The following PPP1R13B variants were observed in gnomAD, a reference collection of about 807,000 sequenced individuals.
PPP1R13B encodes protein phosphatase 1 regulatory subunit 13B, also known as apoptosis-stimulating of p53 protein 1.
In PPP1R13B, 44 loss-of-function variants were observed where a neutral mutation model predicts 119.8. That is an observed-to-expected ratio of 0.37 (90% confidence interval 0.29 to 0.47). The LOEUF (loss-of-function observed/expected upper bound fraction) is 0.47, where lower values mean the gene tolerates loss of function less well. PPP1R13B is among the 20% of genes least tolerant of loss of function. The pLI, the probability that PPP1R13B is intolerant of heterozygous loss-of-function variation, is 0.99. For missense variants in PPP1R13B, 1,227 were observed against 1,413.5 expected (o/e 0.87, Z 2.12); for synonymous variants, 542 against 561.5 (o/e 0.97, Z 0.49).
intron 1 of PPP1R13B, among the ~76,000 whole-genome samples, chr14:103,823,350 A>G (rs1362510010): frequency 6.6e-6 from 1 of 151,984 alleles, no homozygotes; most frequent in Non-Finnish European, 1.5e-5. Context: ...AAAAAAAGAA[A>G]AAAAAAAAAC....
Position 103,778,859 on chromosome 14 carries a change from A to G in PPP1R13B, c.278-38T>C, listed in dbSNP as rs747161995. ...AAGAACCAAACTCACCAAAAGGCGT[A>G]TTAGAAAAAAGTAATATTCTCCCAT... On this transcript the variant is annotated intron_variant, in intron 3 of 16. Coordinates refer to ENST00000202556, the MANE Select transcript of PPP1R13B (RefSeq NM_015316.3). The G allele has an allele frequency of 2.0e-6, 3 of 1,505,074 alleles. No individual in the cohort carries two copies. In the East Asian group the frequency reaches 6.8e-5, roughly 34 times the overall value. 93.2% of individuals were successfully genotyped at this position (1,505,074 alleles called of 1,614,324 possible). A position where few individuals can be genotyped will look rare whatever the true frequency, so the allele number is the denominator to read the frequency against.
chr14:103,839,760 C>T (rs1461582910), intron 1 of PPP1R13B, among the ~76,000 whole-genome samples: 1 of 152,202 alleles, frequency 6.6e-6, no homozygotes, highest in Non-Finnish European at 1.5e-5. Context: ...TCACTCTGCT[C>T]CAGCCACACA....
At chr14:103,838,753 C>G (rs544784726) in intron 1 of PPP1R13B, among the ~76,000 whole-genome samples, 1 of 152,232 alleles carries the variant, frequency 6.6e-6, no homozygotes, top group Admixed American at 6.5e-5. Flanking sequence ...CAACTTTCAC[C>G]GTACTAATGC....
rs142910670 is a variant in PPP1R13B, at chr14:103,818,367, C to T, written c.10-20849G>A. The T allele has an allele frequency of 2.9e-4, 150 of 521,020 alleles. 1 individual carries two copies. The African/African-American group carries it at 3.0e-3, about 10-fold the overall frequency. 32.3% of individuals were successfully genotyped at this position (521,020 alleles called of 1,614,324 possible). On this transcript the variant is annotated intron_variant, in intron 1 of 16. Transcript: ENST00000202556. ...CTTTTGAAGACACTACTGATTAAAA[C>T]ATTAGGCTGCATATGAGTTTTCATA... is the stretch of plus-strand genomic sequence containing the variant.
intron 1 of PPP1R13B, among the ~76,000 whole-genome samples, chr14:103,837,865 T>C (rs1320535877): frequency 3.9e-5 from 6 of 152,124 alleles, no homozygotes; most frequent in Admixed American, 2.0e-4. Context: ...ACAACTGTAA[T>C]CCCAGCACTT....
chr14:103,785,221 ATTTG>A (rs1489411418), intron 2 of PPP1R13B, among the ~76,000 whole-genome samples: 2 of 120,984 alleles, frequency 1.7e-5, no homozygotes, highest in East Asian at 2.3e-4. Context: ...TCTCCCATTC[ATTTG>A]TTTGTTTGGT....
chr14:103,735,282 C>G, intron 16 of PPP1R13B, 87 bp from the exon 17 acceptor site: 2 of 1,313,732 alleles, frequency 1.5e-6, no homozygotes, highest in South Asian at 1.2e-5. Flanking sequence ...CTCACCTCAG[C>G]CACCCTGGAC....
intron 4 of PPP1R13B, among the ~76,000 whole-genome samples, chr14:103,766,682 A>C (rs1372273755): frequency 1.3e-5 from 2 of 152,122 alleles, no homozygotes; most frequent in Non-Finnish European, 2.9e-5. Context: ...ATCTCAGCTC[A>C]CTGCAACTTC....
At position 103,759,015 on chromosome 14, in the gene PPP1R13B, G is replaced by C. The variant is rs143651678; in HGVS notation, c.355-1264C>G. ...GCTCTGTCACCCAGGCTGGAGTGCA[G>C]TGGTGTGATCTTAGCTCACTGCAAC... is the stretch of plus-strand genomic sequence containing the variant. On this transcript the variant is annotated intron_variant, in intron 4 of 16. Transcript: ENST00000202556. Among the ~76,000 whole-genome samples the C allele has an allele frequency of 6.0e-3, 910 of 150,980 alleles. 11 individuals are homozygous for C. Among genetic ancestry groups the C allele is most frequent in the African/African-American group, 0.021 (857 of 41,024 alleles).
intron 1 of PPP1R13B, chr14:103,804,015 C>T (rs2085962023): frequency 6.2e-6 from 6 of 970,208 alleles, no homozygotes; most frequent in African/African-American, 3.5e-5. Context: ...TTCTTGACTA[C>T]ATCCTCTACT....
chr14:103,820,652 ATTTTTTTTTTTT>A (rs35928276), intron 1 of PPP1R13B, among the ~76,000 whole-genome samples: 2 of 102,590 alleles, frequency 1.9e-5, no homozygotes, highest in Admixed American at 2.4e-4. Flanking sequence ...CATGCCCAGG[ATTTTTTTTTTTT>A]TTTTTTTTTT....
chr14:103,834,750 C>T (rs1262763570), intron 1 of PPP1R13B, among the ~76,000 whole-genome samples: 1 of 151,888 alleles, frequency 6.6e-6, no homozygotes, highest in African/African-American at 2.4e-5. Flanking sequence ...ACCACCATGC[C>T]TGGCTATTTT....
chr14:103,804,128 T>G (rs145183302), intron 1 of PPP1R13B: 2 of 844,156 alleles, frequency 2.4e-6, no homozygotes, highest in South Asian at 5.4e-5. Context: ...AATATCATAC[T>G]AGACCATAAG....
At chr14:103,743,196 T>C (rs2084302554) in intron 9 of PPP1R13B, among the ~76,000 whole-genome samples, 1 of 152,260 alleles carries the variant, frequency 6.6e-6, no homozygotes, top group Non-Finnish European at 1.5e-5. Context: ...CCCTTACTTT[T>C]GAAACACTAT....
intron 1 of PPP1R13B, among the ~76,000 whole-genome samples, chr14:103,819,722 G>A (rs527362238): frequency 2.6e-4 from 39 of 151,674 alleles, no homozygotes; most frequent in Non-Finnish European, 4.6e-4. Context: ...TACCACACCT[G>A]CTGCCAAGGT....
chr14:103,789,453 T>G (rs960138248), intron 2 of PPP1R13B, among the ~76,000 whole-genome samples: 3 of 152,048 alleles, frequency 2.0e-5, no homozygotes, highest in Non-Finnish European at 2.9e-5. Flanking sequence ...TGACCTCAAG[T>G]GATCTCCCCA....
At chr14:103,767,374 T>C (rs1206363221) in intron 4 of PPP1R13B, among the ~76,000 whole-genome samples, 3 of 151,996 alleles carry the variant, frequency 2.0e-5, no homozygotes, top group African/African-American at 4.8e-5. Context: ...AAAAACTGGA[T>C]GCCTTTTCTG....
At chr14:103,787,711 G>C (rs1012738089) in intron 2 of PPP1R13B, among the ~76,000 whole-genome samples, 1 of 148,254 alleles carries the variant, frequency 6.7e-6, no homozygotes, top group Non-Finnish European at 1.5e-5. Context: ...GGAGTGCAGT[G>C]GCGCAATCTC....
intron 1 of PPP1R13B, among the ~76,000 whole-genome samples, chr14:103,819,942 CCA>C (rs1475665048): frequency 1.3e-5 from 2 of 152,140 alleles, no homozygotes; most frequent in African/African-American, 4.8e-5. Flanking sequence ...TATCCCAGAC[CCA>C]CAGTTACTTG....
Sources: gnomAD v4.1 joint callset for allele counts (sites outside exome capture counted in the v4.1 genomes callset) on GRCh38, gnomAD v4.1.1 for gene constraint, MANE v1.5 for transcripts, NCBI Gene and HGNC (gene_info 2026-07-23, HGNC 2026-07-21) for gene names.